Variants in KIT observed in about 807,000 individuals in gnomAD.
KIT encodes the protein mast/stem cell growth factor receptor Kit.
A neutral mutation model predicts 105.7 loss-of-function variants in KIT; 16 were observed. That is an observed-to-expected ratio of 0.15 (90% CI 0.10 to 0.23). KIT has a LOEUF of 0.23. Among genes scored for constraint, KIT ranks in the 10% least tolerant of loss-of-function variants. The pLI, the probability that KIT is intolerant of heterozygous loss-of-function variation, is 1.00. For missense variants in KIT, 858 were observed against 1,213.8 expected (o/e 0.71, Z 4.36); for synonymous variants, 438 against 441.1 (o/e 0.99, Z 0.09).
rs543699980 is a variant in KIT at position 54,712,337 on chromosome 4, T to C, written c.1231+2798T>C. ...CTCCTCCTCAGTGCTTCTTCTCAGT[T>C]TCTGTATTTATCTCCTGTGCACCAG... is the stretch of plus-strand genomic sequence containing the variant. On this transcript the variant is annotated intron_variant, in intron 7 of 20. Coordinates refer to ENST00000288135, the MANE Select transcript of KIT (RefSeq NM_000222.3). Among the ~76,000 whole-genome samples, 7 of 152,308 alleles carry C rather than the reference T, an allele frequency of 4.6e-5. No homozygotes were observed. The South Asian group carries it at 1.5e-3, about 32-fold the overall frequency.
chr4:54,726,810 T>A (rs1014358361), intron 9 of KIT, among the ~76,000 whole-genome samples: 4 of 151,340 alleles, frequency 2.6e-5, no homozygotes, highest in African/African-American at 4.9e-5. Flanking sequence ...GTGAAAGACA[T>A]TCATGCTCAG....
At chr4:54,732,034 T>A in intron 16 of KIT, 36 bp downstream of exon 16, 1 of 1,586,066 alleles carries the variant, frequency 6.3e-7, no homozygotes, top group Non-Finnish European at 8.5e-7. Flanking sequence ...GTTTTGTGTT[T>A]TGTTTTTTTG....
chr4:54,725,541 A>G (rs927328540), intron 8 of KIT, among the ~76,000 whole-genome samples: 3 of 151,962 alleles, frequency 2.0e-5, no homozygotes, highest in South Asian at 4.1e-4. Context: ...TTCCTTTCCA[A>G]TCCTTTCAGT....
At chr4:54,733,468 G>C (rs1396416461) in intron 17 of KIT, 1 of 359,184 alleles carries the variant, frequency 2.8e-6, no homozygotes, top group East Asian at 6.3e-5. Context: ...CCTGAGAATA[G>C]CAATGAACTT....
Position 54,727,473 on chromosome 4 carries a change from G to A in KIT, c.1705G>A (p.Val569Ile). 1 of 1,614,076 alleles carries A rather than the reference G, an allele frequency of 6.2e-7. No individual in the cohort carries two copies. Among genetic ancestry groups the A allele is most frequent in the Non-Finnish European group, 8.5e-7 (1 of 1,179,962 alleles). ...VVEEINGNNYVYIDPTQLPYD... is the reference protein window; with the variant it reads ...VVEEINGNNYIYIDPTQLPYD... Reference sequence around the variant, plus strand: ...TGAGGAGATAAATGGAAACAATTATGTTTACATAGACCCAACACAACTTCC... The same window carrying A: ...TGAGGAGATAAATGGAAACAATTATATTTACATAGACCCAACACAACTTCC... The change falls in exon 11 of 21, where the codon GTT (valine) becomes ATT (isoleucine). Residue 569 changes from valine (V) to isoleucine (I), a missense_variant. Coordinates refer to ENST00000288135, the MANE Select transcript of KIT (RefSeq NM_000222.3).
chr4:54,658,208 C>T, intron 1 of KIT, 127 bp downstream of exon 1: 1 of 941,602 alleles, frequency 1.1e-6, no homozygotes, highest in Admixed American at 2.0e-5. Flanking sequence ...GCGTTCCAGC[C>T]TCCGGGGAGA....
At chr4:54,699,041 T>C (rs1280639234) in intron 3 of KIT, among the ~76,000 whole-genome samples, 6 of 152,254 alleles carry the variant, frequency 3.9e-5, no homozygotes, top group East Asian at 1.9e-4. Context: ...GAACTTGTTA[T>C]GGTTGTGCCG....
intron 1 of KIT, among the ~76,000 whole-genome samples, chr4:54,693,198 A>G (rs60266524): frequency 0.011 from 1,697 of 152,346 alleles, 41 homozygotes; most frequent in African/African-American, 0.038. Flanking sequence ...ATTGTACTTT[A>G]GAATTTCCAG....
intron 3 of KIT, 42 bp from the exon 4 acceptor site, chr4:54,699,588 T>C (rs1720316323): frequency 6.2e-7 from 1 of 1,610,640 alleles, no homozygotes; most frequent in African/African-American, 1.3e-5. Flanking sequence ...TTTCATGCTA[T>C]AATACAAATT....
intron 1 of KIT, among the ~76,000 whole-genome samples, chr4:54,674,499 T>G (rs543103202): frequency 7.8e-4 from 119 of 152,294 alleles, no homozygotes; most frequent in Admixed American, 2.3e-3. Flanking sequence ...CTGTCAGTTT[T>G]TATGGTTGGG....
chr4:54,685,050 T>A lies in KIT; in HGVS notation c.68-10462T>A, dbSNP rs977150966. ...CAATTACTTTTGCACCAACCTTCTA[T>A]AGAAGGCCCTGTGCACTGTCTGATC... On this transcript the variant is annotated intron_variant, in intron 1 of 20. Transcript: ENST00000288135. 1.5e-4 allele frequency among the ~76,000 whole-genome samples: 23 copies of A among 152,230 alleles called. 1 individual carries two copies. Among genetic ancestry groups the A allele is most frequent in the Admixed American group, 1.4e-3 (22 of 15,278 alleles).
chr4:54,687,395 G>T (rs893831712), intron 1 of KIT, among the ~76,000 whole-genome samples: 4 of 151,786 alleles, frequency 2.6e-5, no homozygotes, highest in Non-Finnish European at 5.9e-5. Flanking sequence ...CCGAGATCGC[G>T]CCACTGCCCT....
At chr4:54,695,434 G>C (rs536136423) in intron 1 of KIT, 78 bp from the exon 2 acceptor site, 2 of 1,458,420 alleles carry the variant, frequency 1.4e-6, no homozygotes, top group African/African-American at 2.8e-5. Flanking sequence ...ACAGAAGATG[G>C]AACTCAGTAT....
rs1720326514 is a variant in KIT at position 54,699,677 on chromosome 4, C to T, written c.667C>T (p.Leu223Phe). 6.2e-7 allele frequency: 1 copy of T among 1,613,824 alleles called. No homozygotes were observed. Among genetic ancestry groups the T allele is most frequent in the Non-Finnish European group, 8.5e-7 (1 of 1,179,892 alleles). Residue 223 changes from leucine (L) to phenylalanine (F), a missense_variant, in exon 4 of 21, where the codon CTT becomes TTT. Around this residue, in one of 7 missense-constraint regions of KIT, gnomAD observed 401 missense variants for 601.0 expected, o/e 0.67. Coordinates refer to ENST00000288135, the MANE Select transcript of KIT (RefSeq NM_000222.3). ...VVSVSKASYL[L>F]REGEEFTVTC... ...GTCTGTGTCCAAAGCAAGCTATCTTCTTAGGGAAGGGGAAGAATTCACAGT... is the reference window on the plus strand; with the variant it reads ...GTCTGTGTCCAAAGCAAGCTATCTTTTTAGGGAAGGGGAAGAATTCACAGT...
chr4:54,736,741 A>T lies in KIT; in HGVS notation c.2617A>T (p.Met873Leu), dbSNP rs1404045332. 3.1e-6 allele frequency: 5 copies of T among 1,614,018 alleles called. No individual in the cohort carries two copies. Among genetic ancestry groups the T allele is most frequent in the Non-Finnish European group, 4.2e-6 (5 of 1,179,992 alleles). Residue 873 changes from methionine (M) to leucine (L), a missense_variant, in exon 19 of 21, where the codon ATG (methionine) becomes TTG (leucine). Transcript: ENST00000288135. ...CTCAGGAAGCAGCCCCTATCCTGGA[A>T]TGCCGGTCGATTCTAAGTTCTACAA... ...FSLGSSPYPG[M>L]PVDSKFYKMI...
intron 8 of KIT, 114 bp downstream of exon 8, chr4:54,723,812 T>G (rs1722049093): frequency 2.6e-6 from 2 of 760,256 alleles, no homozygotes; most frequent in East Asian, 2.7e-5. Flanking sequence ...TTGATTATTG[T>G]TTTTTTTCTA....
intron 7 of KIT, among the ~76,000 whole-genome samples, chr4:54,718,531 A>G (rs991840370): frequency 6.6e-6 from 1 of 152,214 alleles, no homozygotes; most frequent in East Asian, 1.9e-4. Context: ...AGCCATGCCT[A>G]TTTGATTATA....
chr4:54,661,269 A>G (rs1268336907), intron 1 of KIT, among the ~76,000 whole-genome samples: 1 of 152,162 alleles, frequency 6.6e-6, no homozygotes, highest in East Asian at 1.9e-4. Flanking sequence ...ATCCAAAGCC[A>G]TTTTTTCTCC....
At chr4:54,690,048 T>C (rs1719584473) in intron 1 of KIT, among the ~76,000 whole-genome samples, 1 of 117,100 alleles carries the variant, frequency 8.5e-6, no homozygotes, top group Non-Finnish European at 1.8e-5. Context: ...AGAATGTTAC[T>C]TTTTTTTTGT....
Sources: allele counts gnomAD v4.1 joint callset (sites outside exome capture counted in the v4.1 genomes callset), GRCh38; gene constraint gnomAD v4.1.1; regional missense constraint gnomAD v4.1.1; transcripts MANE v1.5; gene names NCBI Gene and HGNC (gene_info 2026-07-23, HGNC 2026-07-21).